Variants in PFKFB3 observed in about 807,000 individuals in gnomAD.
The protein encoded by PFKFB3 is 6-phosphofructo-2-kinase/fructose-2,6-biphosphatase 3, also known as 6-phosphofructo-2-kinase/fructose-2,6-bisphosphatase 3.
A neutral mutation model predicts 68.0 loss-of-function variants in PFKFB3; 33 were observed. The ratio of observed to expected loss-of-function variants is 0.49; its 90% CI spans 0.37 to 0.65. The LOEUF (loss-of-function observed/expected upper bound fraction) is 0.65, where lower values mean the gene tolerates loss of function less well. Ranked by LOEUF, PFKFB3 falls within the 30% of genes least tolerant of loss-of-function variation. The probability of loss-of-function intolerance (pLI) is 0.00; values close to 1 mark genes in which losing one functional copy is unlikely to be tolerated. For missense variants in PFKFB3, 586 were observed against 712.2 expected (o/e 0.82, Z 2.02); for synonymous variants, 315 against 288.2 (o/e 1.09, Z -0.94).
At chr10:6,206,401 C>A (rs7902148) in intron 1 of PFKFB3, among the ~76,000 whole-genome samples, 1 of 105,474 alleles carries the variant, frequency 9.5e-6, no homozygotes, top group Non-Finnish European at 2.0e-5. Context: ...TTCCCCGCCC[C>A]TTTCCCCCCT....
chr10:6,170,353 G>A lies in PFKFB3; in HGVS notation c.16+25340G>A, dbSNP rs74749893. ...AGAAACCCACCTTCTAGACTCACTC[G>A]TTCCCCCACCCCTCCTTTATGTTTT... On this transcript the variant is annotated intron_variant, in intron 1 of 14. Transcript: ENST00000379789. Among the ~76,000 whole-genome samples, 1,089 of 152,226 alleles carry A rather than the reference G, an allele frequency of 7.2e-3. 5 individuals are homozygous for A. The highest frequency in any genetic ancestry group is 0.024 in the Middle Eastern group (7 of 294).
At chr10:6,206,966 G>A (rs1244802815) in intron 1 of PFKFB3, among the ~76,000 whole-genome samples, 1 of 149,760 alleles carries the variant, frequency 6.7e-6, no homozygotes, top group Non-Finnish European at 1.5e-5. Context: ...GGGCAGCCAG[G>A]CAGAGGGGCT....
chr10:6,279,948 C>A, the PFKFB3 span, among the ~76,000 whole-genome samples: 41 of 22,544 alleles, frequency 1.8e-3, no homozygotes, highest in Non-Finnish European at 6.2e-3. Flanking sequence ...TTGGAAGACT[C>A]AGAGCTTTGC....
At chr10:6,166,446 GTGGAATGGGTTCC>G (rs1842143360) in intron 1 of PFKFB3, among the ~76,000 whole-genome samples, 1 of 151,798 alleles carries the variant, frequency 6.6e-6, no homozygotes, top group Non-Finnish European at 1.5e-5. Context: ...ATCTATTTTA[GTGGAATGGGTTCC>G]TTTGTGAACA....
At chr10:6,156,272 G>A (rs931335059) in intron 1 of PFKFB3, among the ~76,000 whole-genome samples, 1 of 150,978 alleles carries the variant, frequency 6.6e-6, no homozygotes, top group Admixed American at 6.6e-5. Flanking sequence ...TCTTGCTTCA[G>A]CATCCTGAGT....
rs149171671 is a variant in PFKFB3, at chr10:6,254,549, G to A, written c.*180G>A. On this transcript the variant is annotated 3_prime_UTR_variant, in exon 15 of 15. Transcript: ENST00000640683. The stretch of plus-strand genomic sequence containing the variant: ...CTTTACAATGATGCAAGAGAGATAC[G>A]CATTTTGTAGAAGTGGAAATAGTGC... 998 of 393,104 alleles carry A rather than the reference G, an allele frequency of 2.5e-3. 8 individuals are homozygous for A. Among genetic ancestry groups the A allele is most frequent in the Admixed American group, 0.013 (289 of 22,578 alleles). The allele number at this position is 393,104 out of a possible 1,614,324, so 24.4% of individuals were successfully genotyped here. A position where few individuals can be genotyped will look rare whatever the true frequency, so the allele number is the denominator to read the frequency against.
intron 1 of PFKFB3, among the ~76,000 whole-genome samples, chr10:6,166,361 G>A (rs946799053): frequency 2.6e-5 from 4 of 151,780 alleles, no homozygotes; most frequent in Non-Finnish European, 5.9e-5. Context: ...CCAAAGTGCT[G>A]GGATTACAGA....
At chr10:6,276,614 T>G in the PFKFB3 span, among the ~76,000 whole-genome samples, 4 of 150,132 alleles carry the variant, frequency 2.7e-5, no homozygotes, top group Non-Finnish European at 5.9e-5. Context: ...TGGGGTTAAA[T>G]AGCCTCCAAT....
chr10:6,255,403 C>T (rs754630725), downstream of PFKFB3, among the ~76,000 whole-genome samples: 21 of 152,206 alleles, frequency 1.4e-4, no homozygotes, highest in African/African-American at 7.2e-5. Flanking sequence ...GGATTACAGG[C>T]GTGAGCCATC....
chr10:6,288,208 T>A, the PFKFB3 span, among the ~76,000 whole-genome samples: 6 of 150,300 alleles, frequency 4.0e-5, no homozygotes, highest in East Asian at 3.9e-4. Context: ...TTTTTTTTTT[T>A]AATTATTATT....
intron 14 of PFKFB3, among the ~76,000 whole-genome samples, chr10:6,240,985 A>C (rs1338097239): frequency 6.6e-6 from 1 of 151,340 alleles, no homozygotes; most frequent in Non-Finnish European, 1.5e-5. Flanking sequence ...GCTCACTGCA[A>C]CCTCCATCTC....
chr10:6,202,255 T>A (rs1843389924), upstream of PFKFB3, among the ~76,000 whole-genome samples: 1 of 152,066 alleles, frequency 6.6e-6, no homozygotes, highest in African/African-American at 2.4e-5. Flanking sequence ...AGGTTCCCAG[T>A]CTTTGGGCTA....
the PFKFB3 span, among the ~76,000 whole-genome samples, chr10:6,298,707 G>A: frequency 6.6e-6 from 1 of 152,158 alleles, no homozygotes; most frequent in African/African-American, 2.4e-5. Flanking sequence ...GGCCAGGCCT[G>A]GATCTTGGGC....
At chr10:6,152,856 G>A (rs536729618) in intron 1 of PFKFB3, among the ~76,000 whole-genome samples, 36 of 152,046 alleles carry the variant, frequency 2.4e-4, no homozygotes, top group African/African-American at 6.8e-4. Context: ...ACTCCAGCCC[G>A]GGCAACAGAA....
At chr10:6,200,713 C>T (rs1747341967), upstream of PFKFB3, among the ~76,000 whole-genome samples, 1 of 142,328 alleles carries the variant, frequency 7.0e-6, no homozygotes, top group Non-Finnish European at 1.5e-5. Flanking sequence ...AGTTAACTTC[C>T]TTTTGCCTGC....
chr10:6,318,124 G>T, the PFKFB3 span, among the ~76,000 whole-genome samples: 5 of 152,184 alleles, frequency 3.3e-5, no homozygotes, highest in Admixed American at 2.6e-4. Flanking sequence ...CTGTTAGCAG[G>T]GCTGTGTCTT....
intron 14 of PFKFB3, among the ~76,000 whole-genome samples, chr10:6,247,678 C>T (rs887966116): frequency 6.6e-6 from 1 of 152,156 alleles, no homozygotes; most frequent in African/African-American, 2.4e-5. Flanking sequence ...AGCCCTGACC[C>T]ATTCCACTTC....
upstream of PFKFB3, chr10:6,202,485 T>G (rs1375270308): frequency 6.6e-6 from 1 of 152,442 alleles, no homozygotes; most frequent in Non-Finnish European, 1.5e-5. Context: ...TGCAGAGTAT[T>G]GGGGCTCCAT....
chr10:6,249,152 C>T (rs185974296), intron 14 of PFKFB3, among the ~76,000 whole-genome samples: 2 of 113,178 alleles, frequency 1.8e-5, no homozygotes, highest in East Asian at 4.9e-4. Flanking sequence ...CCAGCCTAGG[C>T]AACAAGAGCA....
Sources: allele counts gnomAD v4.1 joint callset (sites outside exome capture counted in the v4.1 genomes callset), GRCh38; gene constraint gnomAD v4.1.1; transcripts MANE v1.5; gene names NCBI Gene and HGNC (gene_info 2026-07-23, HGNC 2026-07-21).